Variants in KIAA1549 observed in about 807,000 individuals in gnomAD.
KIAA1549 encodes the protein UPF0606 protein KIAA1549.
In KIAA1549, 70 loss-of-function variants were observed where a neutral mutation model predicts 156.4. The ratio of observed to expected loss-of-function variants is 0.45; its 90% CI spans 0.37 to 0.55. The LOEUF (loss-of-function observed/expected upper bound fraction) is 0.55, where lower values mean the gene tolerates loss of function less well. Ranked by LOEUF, KIAA1549 falls within the 20% of genes least tolerant of loss-of-function variation. The probability of loss-of-function intolerance (pLI) is 0.00; values close to 1 mark genes in which losing one functional copy is unlikely to be tolerated. For missense variants in KIAA1549, 2,428 were observed against 2,540.9 expected (o/e 0.96, Z 0.96); for synonymous variants, 1,103 against 1,066.4 (o/e 1.03, Z -0.67).
Position 138,917,843 on chromosome 7 carries a change from C to A in KIAA1549, c.1783G>T (p.Val595Phe), listed in dbSNP as rs1372701744. 1.9e-6 allele frequency: 3 copies of A among 1,602,824 alleles called. No individual in the cohort carries two copies. Among genetic ancestry groups the A allele is most frequent in the African/African-American group, 1.3e-5 (1 of 74,698 alleles). ...AAAAGTGAAGACTCCACTGAAGGAA[C>A]CAGACTATAAGGCGTAAAAACACTC... ...DPSVFTPYSL[V>F]PSVESSLFSD... The change falls in exon 2 of 20, where the codon GTT becomes TTT. Residue 595 changes from valine (V) to phenylalanine (F), a missense_variant. By Grantham distance (50) the Val-to-Phe change is conservative (BLOSUM62 -1). This residue lies in a region of KIAA1549 where 893 missense variants were observed against 847.9 expected (regional missense o/e 1.05). Transcript: ENST00000422774.
At chr7:138,954,671 T>A (rs1036641733) in intron 1 of KIAA1549, among the ~76,000 whole-genome samples, 14 of 152,220 alleles carry the variant, frequency 9.2e-5, no homozygotes, top group African/African-American at 3.1e-4. Flanking sequence ...CTCCGGATGT[T>A]GTCTCAGACC....
Position 138,918,934 on chromosome 7 carries a change from G to C in KIAA1549, c.692C>G (p.Thr231Ser). The C allele has an allele frequency of 6.2e-7, 1 of 1,614,048 alleles. No individual in the cohort carries two copies. Among genetic ancestry groups the C allele is most frequent in the Non-Finnish European group, 8.5e-7 (1 of 1,179,904 alleles). Residue 231 changes from threonine to serine, a missense_variant, in exon 2 of 20, where the codon ACC becomes AGC. Around this residue, in one of 5 missense-constraint regions of KIAA1549, gnomAD observed 893 missense variants for 847.9 expected, o/e 1.05. Coordinates refer to ENST00000422774, the MANE Select transcript of KIAA1549 (RefSeq NM_001164665.2). The surrounding 1 kb of genome is among the most constrained non-coding windows in gnomAD (Gnocchi z 4.2). ...AGAGGTGCGAAAAGCTGACCGAAAG[G>C]TGTGGAAATGACTGGCGGACTCAGC... is the stretch of plus-strand genomic sequence containing the variant. The part of the protein sequence containing the change: ...AYAESASHFH[T>S]FRSAFRTSEG...
At chr7:138,893,789 G>A (rs192842090) in intron 10 of KIAA1549, among the ~76,000 whole-genome samples, 11 of 152,306 alleles carry the variant, frequency 7.2e-5, no homozygotes, top group Admixed American at 5.9e-4. Flanking sequence ...ATCAGAATTC[G>A]GCCTGGTGCG....
chr7:138,858,971 A>C (rs774933279), intron 16 of KIAA1549, among the ~76,000 whole-genome samples: 6 of 149,806 alleles, frequency 4.0e-5, no homozygotes, highest in Non-Finnish European at 8.9e-5. Context: ...GTGCCACTGC[A>C]CTCCAGCCTG....
intron 1 of KIAA1549, among the ~76,000 whole-genome samples, chr7:138,963,098 G>A (rs1234642953): frequency 6.6e-6 from 1 of 152,252 alleles, no homozygotes; most frequent in Non-Finnish European, 1.5e-5. Flanking sequence ...CTCAGCACAT[G>A]GCAGTGAGTG....
rs1391888095 is a variant in KIAA1549 at position 138,903,832 on chromosome 7, TGTGTGTGTGTGTGTGTGTGTGC to T, written c.3521-118_3521-97del. ...GTGTGTGTGTGTGTGTGTGTGTGTG[TGTGTGTGTGTGTGTGTGTGTGC>T]GCGCGCGCGCGCGCGCACATATGTA... is the stretch of plus-strand genomic sequence containing the variant. On this transcript the variant is annotated intron_variant, in intron 7 of 19. Transcript: ENST00000422774. 2,508 of 389,040 alleles carry T rather than the reference TGTGTGTGTGTGTGTGTGTGTGC, an allele frequency of 6.4e-3. 48 individuals carry two copies. The highest frequency in any genetic ancestry group is 0.04 in the African/African-American group (530 of 13,386). 24.1% of individuals were successfully genotyped at this position (389,040 alleles called of 1,614,324 possible). A position where few individuals can be genotyped will look rare whatever the true frequency, so the allele number is the denominator to read the frequency against.
At position 138,837,831 on chromosome 7, in the gene KIAA1549, C is replaced by A; in HGVS notation, c.*75G>T. ...GAGTTGCTCCTTCCTCTTCCAAACA[C>A]CCACTCAGTTGATTTCCTTTTGGTC... On this transcript the variant is annotated 3_prime_UTR_variant, in exon 20 of 20. Transcript: ENST00000422774. 2 of 1,518,078 alleles carry A rather than the reference C, an allele frequency of 1.3e-6. No individual in the cohort carries two copies. The highest frequency in any genetic ancestry group is 1.8e-6 in the Non-Finnish European group (2 of 1,124,828). The allele number at this position is 1,518,078 out of a possible 1,614,324, so 94.0% of individuals were successfully genotyped here. A position where few individuals can be genotyped will look rare whatever the true frequency, so the allele number is the denominator to read the frequency against.
chr7:138,938,590 G>A (rs1251701541), intron 1 of KIAA1549, among the ~76,000 whole-genome samples: 1 of 152,176 alleles, frequency 6.6e-6, no homozygotes, highest in Non-Finnish European at 1.5e-5. Context: ...TGAAGTTAAT[G>A]TAAATACTAA....
rs1348221584 is a variant in KIAA1549, at chr7:138,832,693, T to A, written c.*5213A>T. 1 of 216,892 alleles carries A rather than the reference T, an allele frequency of 4.6e-6. No homozygotes were observed. The highest frequency in any genetic ancestry group is 2.3e-5 in the African/African-American group (1 of 44,398). 13.4% of individuals were successfully genotyped at this position (216,892 alleles called of 1,614,324 possible). A position where few individuals can be genotyped will look rare whatever the true frequency, so the allele number is the denominator to read the frequency against. On this transcript the variant is annotated 3_prime_UTR_variant, in exon 20 of 20. Coordinates refer to ENST00000422774, the MANE Select transcript of KIAA1549 (RefSeq NM_001164665.2). ...TGTTTCCAAAGGCATTTAATATTCT[T>A]TTCCTAAATTTCAATGCTGCTGTGT...
At position 138,837,926 on chromosome 7, in the gene KIAA1549, C is replaced by T. The variant is rs370670659; in HGVS notation, c.5833G>A (p.Val1945Met). The T allele has an allele frequency of 1.2e-4, 187 of 1,613,636 alleles. 1 individual carries two copies. The highest frequency in any genetic ancestry group is 3.4e-4 in the Middle Eastern group (2 of 5,952). Residue 1945 changes from valine (V) to methionine (M), a missense_variant, in exon 20 of 20, where the codon GTG becomes ATG. By Grantham distance (21) the Val-to-Met change is conservative (BLOSUM62 1). Transcript: ENST00000422774. ...LLRLSQKQST[V>M]QNFHS Reference sequence around the variant, plus strand: ...GCCGATCAGCTGTGGAAGTTCTGCACGGTGCTCTGTTTCTGGGAGAGCCGG... The same window carrying T: ...GCCGATCAGCTGTGGAAGTTCTGCATGGTGCTCTGTTTCTGGGAGAGCCGG...
chr7:138,837,982 G>C lies in KIAA1549; in HGVS notation c.5777C>G (p.Ser1926Cys). ...CTCCTCGCGGATTGCTTTGATGAGAGAGGCCGAGGAGTGGCCAGGCTGGAG... is the reference window on the plus strand; with the variant it reads ...CTCCTCGCGGATTGCTTTGATGAGACAGGCCGAGGAGTGGCCAGGCTGGAG... The part of the protein sequence containing the change: ...EDLQPGHSSA[S>C]LIKAIREELL... Residue 1926 changes from serine (S) to cysteine (C), a missense_variant, in exon 20 of 20, where the codon TCT becomes TGT. By Grantham distance (112) the Ser-to-Cys change is moderately radical. This residue lies in a region of KIAA1549 where 363 missense variants were observed against 354.0 expected (regional missense o/e 1.03). Transcript: ENST00000422774. 6.2e-7 allele frequency: 1 copy of C among 1,613,580 alleles called. No homozygotes were observed. The highest frequency in any genetic ancestry group is 8.5e-7 in the Non-Finnish European group (1 of 1,179,778).
In KIAA1549 at chr7:138,898,978, C is replaced by G. The variant is rs780205394; in HGVS notation, c.3824G>C (p.Arg1275Pro). The G allele has an allele frequency of 1.9e-6, 3 of 1,613,646 alleles. No individual in the cohort carries two copies. In the African/African-American group the frequency reaches 4.0e-5, roughly 22 times the overall value. The change falls in exon 9 of 20, where the codon CGA (arginine) becomes CCA (proline). Residue 1275 changes from arginine (R) to proline (P), a missense_variant. Coordinates refer to ENST00000422774, the MANE Select transcript of KIAA1549 (RefSeq NM_001164665.2). ...ACGCTGGGCAATGACACCTTGAATT[C>G]GGTAACCCAAGATGATGGCTGCTCT... ...LQRAAIILGY[R>P]IQGVIAQPVD...
At chr7:138,886,498 A>C (rs1340508619) in intron 10 of KIAA1549, among the ~76,000 whole-genome samples, 1 of 152,140 alleles carries the variant, frequency 6.6e-6, no homozygotes, top group East Asian at 1.9e-4. Context: ...GCTGATCTGG[A>C]ACTGCAGGGC....
At chr7:138,960,005 G>C (rs577476659) in intron 1 of KIAA1549, among the ~76,000 whole-genome samples, 1 of 152,270 alleles carries the variant, frequency 6.6e-6, no homozygotes, top group South Asian at 2.1e-4. Flanking sequence ...TCCAAGATAG[G>C]GTGAATCAAA....
intron 15 of KIAA1549, among the ~76,000 whole-genome samples, chr7:138,863,016 A>G (rs1452247239): frequency 6.6e-6 from 1 of 152,198 alleles, no homozygotes; most frequent in Non-Finnish European, 1.5e-5. Flanking sequence ...AACAATAAAG[A>G]TTTTTTAAAT....
intron 5 of KIAA1549, 54 bp from the exon 6 acceptor site, chr7:138,907,156 T>G (rs1812031197): frequency 1.5e-6 from 2 of 1,335,162 alleles, no homozygotes. Flanking sequence ...TGCTGAAAGC[T>G]TAACCATGAT....
intron 16 of KIAA1549, among the ~76,000 whole-genome samples, chr7:138,858,685 G>A (rs1339605971): frequency 6.6e-6 from 1 of 151,986 alleles, no homozygotes; most frequent in Non-Finnish European, 1.5e-5. Flanking sequence ...GTTGGAAAAG[G>A]AACCATATCC....
chr7:138,881,299 C>T, intron 11 of KIAA1549, 89 bp downstream of exon 11: 1 of 1,305,732 alleles, frequency 7.7e-7, no homozygotes, highest in Non-Finnish European at 1.1e-6. Context: ...GCTGCGCTCA[C>T]CATCAGCCCC....
rs1811764812 is a variant in KIAA1549, at chr7:138,898,939, C to T, written c.3847+16G>A. 2 of 1,613,194 alleles carry T rather than the reference C, an allele frequency of 1.2e-6. No individual in the cohort carries two copies. The highest frequency in any genetic ancestry group is 1.3e-5 in the African/African-American group (1 of 74,904). Reference sequence around the variant, plus strand: ...CAGCACAGCACAGCACAGACGACAACACCTCAGGCACTTACGCTGGGCAAT... The same window carrying T: ...CAGCACAGCACAGCACAGACGACAATACCTCAGGCACTTACGCTGGGCAAT... On this transcript the variant is annotated intron_variant, in intron 9 of 19. Transcript: ENST00000422774.
Sources: allele counts gnomAD v4.1 joint callset (sites outside exome capture counted in the v4.1 genomes callset), GRCh38; gene constraint gnomAD v4.1.1; regional missense constraint gnomAD v4.1.1; non-coding constraint Gnocchi (gnomAD v3.1); transcripts MANE v1.5; gene names NCBI Gene and HGNC (gene_info 2026-07-23, HGNC 2026-07-21).